The following ZNF804B variants were observed in gnomAD, a reference collection of about 807,000 sequenced individuals.
The protein encoded by ZNF804B is zinc finger protein 804B.
Under a neutral mutation model 101.4 loss-of-function variants are expected in ZNF804B, and 80 were observed. The ratio of observed to expected loss-of-function variants is 0.79; its 90% CI spans 0.66 to 0.95. ZNF804B has a LOEUF of 0.95. Ranked by LOEUF, ZNF804B falls within the 40% of genes least tolerant of loss-of-function variation. The pLI, the probability that ZNF804B is intolerant of heterozygous loss-of-function variation, is 0.00. For synonymous variants in ZNF804B, 622 were observed against 558.8 expected (o/e 1.11, Z -1.59); for missense variants, 1,673 against 1,561.9 (o/e 1.07, Z -1.20).
At chr7:89,091,837 T>A (rs1789892952) in intron 1 of ZNF804B, among the ~76,000 whole-genome samples, 1 of 152,194 alleles carries the variant, frequency 6.6e-6, no homozygotes, top group Non-Finnish European at 1.5e-5. Flanking sequence ...CTTGTCTCCA[T>A]CAACATGTGC....
At chr7:88,896,484 T>C (rs1044609495) in intron 1 of ZNF804B, among the ~76,000 whole-genome samples, 6 of 152,158 alleles carry the variant, frequency 3.9e-5, no homozygotes, top group African/African-American at 1.4e-4. Context: ...CATGGAGGCT[T>C]CAAAAAGATT....
In ZNF804B at chr7:89,336,143, C is replaced by G; in HGVS notation, c.3161C>G (p.Pro1054Arg). The G allele has an allele frequency of 6.2e-7, 1 of 1,613,884 alleles. No individual in the cohort carries two copies. The highest frequency in any genetic ancestry group is 1.1e-5 in the South Asian group (1 of 91,076). ...RDATTKEQSK[P>R]LISEIQPFIQ... ...GCAACAACAAAAGAACAATCAAAAC[C>G]TTTAATTAGTGAAATCCAACCTTTT... The change falls in exon 4 of 4, where the codon CCT becomes CGT. Residue 1054 changes from proline (P) to arginine (R), a missense_variant. Coordinates refer to ENST00000333190, the MANE Select transcript of ZNF804B (RefSeq NM_181646.5).
intron 1 of ZNF804B, among the ~76,000 whole-genome samples, chr7:89,215,321 A>G (rs10215307): frequency 0.59 from 89,583 of 152,062 alleles, 26,900 homozygotes; most frequent in African/African-American, 0.63. Flanking sequence ...AGAATCATCA[A>G]TATGATACTT....
At chr7:88,780,565 T>C (rs1464224407) in intron 1 of ZNF804B, among the ~76,000 whole-genome samples, 1 of 151,838 alleles carries the variant, frequency 6.6e-6, no homozygotes, top group African/African-American at 2.4e-5. Flanking sequence ...TTTTTGATTT[T>C]TTGTAGAGAA....
At chr7:89,107,994 AT>A (rs1790161172) in intron 1 of ZNF804B, among the ~76,000 whole-genome samples, 1 of 152,092 alleles carries the variant, frequency 6.6e-6, no homozygotes, top group Admixed American at 6.6e-5. Context: ...AAAGAAGGAA[AT>A]GTCTCAATCT....
chr7:89,333,225 C>A, intron 3 of ZNF804B, 138 bp from the exon 4 acceptor site: 1 of 848,518 alleles, frequency 1.2e-6, no homozygotes, highest in Non-Finnish European at 1.7e-6. Context: ...TATATAAGGA[C>A]AACAAAAGGT....
At chr7:89,082,337 A>T (rs1225980153) in intron 1 of ZNF804B, among the ~76,000 whole-genome samples, 1 of 151,696 alleles carries the variant, frequency 6.6e-6, no homozygotes, top group Non-Finnish European at 1.5e-5. Context: ...ATTATAAAGT[A>T]GGCAAACTTG....
chr7:89,125,470 T>G (rs1043268528), intron 1 of ZNF804B, among the ~76,000 whole-genome samples: 5 of 152,016 alleles, frequency 3.3e-5, no homozygotes, highest in African/African-American at 4.8e-5. Context: ...TTCTACCAAT[T>G]CTTGCTTTCA....
chr7:89,215,572 G>C (rs549152794), intron 1 of ZNF804B, among the ~76,000 whole-genome samples: 2 of 120,782 alleles, frequency 1.7e-5, no homozygotes, highest in African/African-American at 6.3e-5. Context: ...TAAGGCTGCT[G>C]TCATAAGGAA....
At chr7:88,919,557 G>A (rs973462507) in intron 1 of ZNF804B, among the ~76,000 whole-genome samples, 7 of 152,060 alleles carry the variant, frequency 4.6e-5, no homozygotes, top group African/African-American at 1.7e-4. Context: ...ATACATGTCA[G>A]GAGAATGAGA....
At chr7:88,996,855 G>T (rs1788208530) in intron 1 of ZNF804B, among the ~76,000 whole-genome samples, 1 of 152,044 alleles carries the variant, frequency 6.6e-6, no homozygotes, top group Non-Finnish European at 1.5e-5. Flanking sequence ...TTGAAATTGA[G>T]CCAGGAGTGA....
At chr7:89,012,439 A>C (rs550300755) in intron 1 of ZNF804B, among the ~76,000 whole-genome samples, 1 of 152,222 alleles carries the variant, frequency 6.6e-6, no homozygotes, top group African/African-American at 2.4e-5. Context: ...TTAGGCTACA[A>C]ATTTTCCAAA....
intron 2 of ZNF804B, among the ~76,000 whole-genome samples, chr7:89,230,267 T>A (rs1305273098): frequency 6.6e-6 from 1 of 150,964 alleles, no homozygotes; most frequent in Non-Finnish European, 1.5e-5. Flanking sequence ...TAATGTATCT[T>A]TAATCAGGTT....
intron 1 of ZNF804B, among the ~76,000 whole-genome samples, chr7:88,972,467 C>T (rs1047031657): frequency 5.3e-5 from 8 of 151,266 alleles, no homozygotes; most frequent in African/African-American, 1.9e-4. Context: ...TTTTCCCTGC[C>T]AGGTTCCAAC....
chr7:89,281,593 T>C (rs1386125634), intron 2 of ZNF804B, among the ~76,000 whole-genome samples: 1 of 152,186 alleles, frequency 6.6e-6, no homozygotes, highest in Non-Finnish European at 1.5e-5. Flanking sequence ...AACTCTCTGC[T>C]TGAAGCATAT....
intron 1 of ZNF804B, among the ~76,000 whole-genome samples, chr7:89,062,174 A>G (rs1789391560): frequency 6.6e-6 from 1 of 152,130 alleles, no homozygotes; most frequent in South Asian, 2.1e-4. Flanking sequence ...TAGTAAACAG[A>G]AATATACAAT....
At chr7:88,779,235 C>T (rs1203553751) in intron 1 of ZNF804B, among the ~76,000 whole-genome samples, 1 of 152,154 alleles carries the variant, frequency 6.6e-6, no homozygotes, top group Non-Finnish European at 1.5e-5. Context: ...CTTAATGAAT[C>T]AGAATGTCTG....
At position 89,202,300 on chromosome 7, in the gene ZNF804B, C is replaced by G. The variant is rs151048177; in HGVS notation, c.109-15855C>G. Among the ~76,000 whole-genome samples, 8 of 152,178 alleles carry G rather than the reference C, an allele frequency of 5.3e-5. No homozygotes were observed. The East Asian group carries it at 1.5e-3, about 29-fold the overall frequency. On this transcript the variant is annotated intron_variant, in intron 1 of 3. Coordinates refer to ENST00000333190, the MANE Select transcript of ZNF804B (RefSeq NM_181646.5). ...AGAGAAAGGTGTAGCTTCCTCCTTTCTAAAACCAGTTTTTAGAACTGGCTA... is the reference window on the plus strand; with the variant it reads ...AGAGAAAGGTGTAGCTTCCTCCTTTGTAAAACCAGTTTTTAGAACTGGCTA...
At chr7:89,046,879 A>T (rs1001648274) in intron 1 of ZNF804B, among the ~76,000 whole-genome samples, 16 of 152,042 alleles carry the variant, frequency 1.1e-4, no homozygotes, top group African/African-American at 3.6e-4. Context: ...GGTGCAGTCC[A>T]GTTATTATGA....
Sources: allele counts gnomAD v4.1 joint callset (sites outside exome capture counted in the v4.1 genomes callset), GRCh38; gene constraint gnomAD v4.1.1; transcripts MANE v1.5; gene names NCBI Gene and HGNC (gene_info 2026-07-23, HGNC 2026-07-21).